Variants in NELFA observed in about 807,000 individuals in gnomAD.
The protein encoded by NELFA is negative elongation factor A.
NELFA carries 35 observed loss-of-function variants against 51.8 expected under a neutral mutation model. The ratio of observed to expected loss-of-function variants is 0.68; its 90% CI spans 0.52 to 0.90. The LOEUF is 0.90. Among genes scored for constraint, NELFA ranks in the 40% least tolerant of loss-of-function variants. The pLI is 0.00. For missense variants in NELFA, 658 were observed against 746.4 expected (o/e 0.88, Z 1.38); for synonymous variants, 417 against 338.4 (o/e 1.23, Z -2.55).
Position 1,983,867 on chromosome 4 carries a change from T to C in NELFA, c.1283A>G (p.Lys428Arg), listed in dbSNP as rs1031680874. The C allele has an allele frequency of 3.2e-6, 5 of 1,580,400 alleles. No individual in the cohort carries two copies. The African/African-American group carries it at 6.8e-5, about 21-fold the overall frequency. ...ACCTACCGTGAGGGACAGGTTCTTC[T>C]TAGGCTGCTGCTGAGCAGGGGCCTG... ...QTQAPAQQQPKKNLSLTREQM... is the reference protein window; with the variant it reads ...QTQAPAQQQPRKNLSLTREQM... Residue 428 changes from lysine to arginine, a missense_variant, in exon 9 of 11, where the codon AAG becomes AGG. Physicochemically the swap from Lys to Arg is conservative, Grantham distance 26 (BLOSUM62 2). Coordinates refer to ENST00000382882, the MANE Select transcript of NELFA (RefSeq NM_005663.5).
chr4:1,993,070 C>A (rs564955196), intron 1 of NELFA, among the ~76,000 whole-genome samples: 21 of 152,362 alleles, frequency 1.4e-4, no homozygotes, highest in Middle Eastern at 3.4e-3. Flanking sequence ...CCGCACAGCC[C>A]GGCTGTTTCC....
chr4:2,001,856 T>C (rs1304380134), intron 1 of NELFA, among the ~76,000 whole-genome samples: 1 of 150,000 alleles, frequency 6.7e-6, no homozygotes, highest in Non-Finnish European at 1.5e-5. Flanking sequence ...TGAGCCGAGA[T>C]CGTGCCACTG....
rs760343890 is a variant in NELFA, at chr4:1,983,908, C to G, written c.1242G>C (p.Met414Ile). The G allele has an allele frequency of 1.2e-6, 2 of 1,604,448 alleles. No individual in the cohort carries two copies. Among genetic ancestry groups the G allele is most frequent in the Non-Finnish European group, 1.7e-6 (2 of 1,175,240 alleles). The change falls in exon 9 of 11, where the codon ATG becomes ATC. Residue 414 changes from methionine (M) to isoleucine (I), a missense_variant. By Grantham distance (10) the Met-to-Ile change is conservative (BLOSUM62 1). This residue lies in a region of NELFA where 200 missense variants were observed against 167.9 expected (regional missense o/e 1.19). Transcript: ENST00000382882. Reference sequence around the variant, plus strand: ...CAGGGGCCTGGGTCTGCGGGGCCACCATGGCAACCGGGGGTGTCTGAGTGG... The same window carrying G: ...CAGGGGCCTGGGTCTGCGGGGCCACGATGGCAACCGGGGGTGTCTGAGTGG... ...APTTQTPPVA[M>I]VAPQTQAPAQ... is the part of the protein sequence containing the mutation.
chr4:1,988,827 T>C (rs1234147138), intron 3 of NELFA, among the ~76,000 whole-genome samples: 8 of 152,126 alleles, frequency 5.3e-5, no homozygotes, highest in Admixed American at 5.2e-4. Context: ...GTAAGGAACG[T>C]GCCCCTCCAG....
intron 1 of NELFA, among the ~76,000 whole-genome samples, chr4:2,000,782 C>T (rs927577243): frequency 6.6e-6 from 1 of 152,224 alleles, no homozygotes; most frequent in African/African-American, 2.4e-5. Flanking sequence ...AGGGACTCCT[C>T]CCTAACTCAT....
At chr4:2,005,950 C>T (rs536753435) in intron 1 of NELFA, among the ~76,000 whole-genome samples, 4 of 152,216 alleles carry the variant, frequency 2.6e-5, no homozygotes, top group African/African-American at 9.6e-5. Context: ...TCAGCTCAGC[C>T]TTAAAATCCC....
rs1402992560 is a variant in NELFA, at chr4:1,989,170, T to A, written c.544+538A>T. On this transcript the variant is annotated intron_variant, in intron 3 of 10. Coordinates refer to ENST00000382882, the MANE Select transcript of NELFA (RefSeq NM_005663.5). This position sits in a 1 kb window ranked among gnomAD's most constrained non-coding sequence, Gnocchi z 4.8. ...CATGTGGGCCAGGCTGGTCTCGATC[T>A]CCTGACCTCAGGTGATCTGCTGGCC... 6.6e-6 allele frequency among the ~76,000 whole-genome samples: 1 copy of A among 152,148 alleles called. No homozygotes were observed. Among genetic ancestry groups the A allele is most frequent in the Non-Finnish European group, 1.5e-5 (1 of 68,020 alleles).
chr4:2,008,759 C>A lies in NELFA; in HGVS notation c.201G>T (p.Thr67=), dbSNP rs760067500. ...LLGTLHLPRR[T]VDEMKGALME... ...GCCACGCCTGCCTTACCTCGTCCACCGTGCGGCGCGGGAGGTGCAGCGTCC... is the reference window on the plus strand; with the variant it reads ...GCCACGCCTGCCTTACCTCGTCCACAGTGCGGCGCGGGAGGTGCAGCGTCC... The change falls in exon 1 of 11, where the codon ACG becomes ACT. Residue 67 remains threonine (T), a synonymous_variant. Coordinates refer to ENST00000382882, the MANE Select transcript of NELFA (RefSeq NM_005663.5). The A allele has an allele frequency of 1.9e-6, 3 of 1,609,170 alleles. No individual in the cohort carries two copies. The highest frequency in any genetic ancestry group is 1.7e-6 in the Non-Finnish European group (2 of 1,178,116).
intron 1 of NELFA, chr4:1,992,150 T>G: frequency 4.7e-6 from 1 of 211,388 alleles, no homozygotes; most frequent in South Asian, 6.0e-5. Context: ...CAGGGTGGAG[T>G]CACCTGCCGC....
At chr4:2,000,620 C>T (rs1237548219) in intron 1 of NELFA, among the ~76,000 whole-genome samples, 1 of 152,134 alleles carries the variant, frequency 6.6e-6, no homozygotes. Context: ...GAATCCCTGA[C>T]TAGACCAATA....
Position 1,989,959 on chromosome 4 carries a change from C to A in NELFA, c.383-90G>T. 2.7e-6 allele frequency: 4 copies of A among 1,486,296 alleles called. No individual in the cohort carries two copies. In the South Asian group the frequency reaches 5.2e-5, roughly 19 times the overall value. 92.1% of individuals were successfully genotyped at this position (1,486,296 alleles called of 1,614,324 possible). ...TGGCGGCTGCCCAGCCCCACACCCT[C>A]CTCAGTTAGGGTTAGGTCATGGGAG... On this transcript the variant is annotated intron_variant, in intron 2 of 10. Transcript: ENST00000382882. This position sits in a 1 kb window ranked among gnomAD's most constrained non-coding sequence, Gnocchi z 4.8.
At position 1,991,644 on chromosome 4, in the gene NELFA, G is replaced by A. The variant is rs377666157; in HGVS notation, c.282C>T (p.Ala94=). ...LDSDPWVLMV[A]DILKSFPDTG... ...TGTCCGGAAAGGACTTCAAGATGTC[G>A]GCGACCATGAGCACCCAGGGGTCCG... is the stretch of plus-strand genomic sequence containing the variant. Residue 94 remains alanine, a synonymous_variant, in exon 2 of 11, where the codon GCC becomes GCT. Coordinates refer to ENST00000382882, the MANE Select transcript of NELFA (RefSeq NM_005663.5). The A allele has an allele frequency of 8.9e-5, 143 of 1,613,956 alleles. 1 individual carries two copies. The East Asian group carries it at 2.5e-3, about 28-fold the overall frequency.
intron 1 of NELFA, among the ~76,000 whole-genome samples, chr4:2,001,240 A>G (rs993098523): frequency 1.3e-5 from 2 of 152,206 alleles, no homozygotes; most frequent in African/African-American, 4.8e-5. Flanking sequence ...GTACAAGATA[A>G]TAAGGATGTC....
intron 1 of NELFA, among the ~76,000 whole-genome samples, chr4:1,998,343 A>T (rs1728486695): frequency 6.6e-6 from 1 of 152,098 alleles, no homozygotes; most frequent in African/African-American, 2.4e-5. Flanking sequence ...AATAAAAAAA[A>T]AAACAATGAT....
chr4:1,987,526 G>C (rs1728141499), intron 4 of NELFA: 1 of 190,484 alleles, frequency 5.2e-6, no homozygotes, highest in African/African-American at 2.3e-5. Context: ...GAACCCAAGA[G>C]CAGCACTTGG....
intron 8 of NELFA, 43 bp downstream of exon 8, chr4:1,984,765 G>A (rs1239576856): frequency 1.4e-6 from 2 of 1,442,602 alleles, no homozygotes; most frequent in Non-Finnish European, 1.9e-6. Flanking sequence ...TCATGTCCTG[G>A]CAGGCAGCTT....
intron 1 of NELFA, among the ~76,000 whole-genome samples, chr4:2,003,070 G>C (rs11935190): frequency 6.6e-6 from 1 of 152,144 alleles, no homozygotes; most frequent in South Asian, 2.1e-4. Flanking sequence ...GTGGGCAAAG[G>C]AGGTGAACAG....
At chr4:1,996,293 T>C (rs1367498715) in intron 1 of NELFA, among the ~76,000 whole-genome samples, 1 of 152,206 alleles carries the variant, frequency 6.6e-6, no homozygotes, top group Non-Finnish European at 1.5e-5. Context: ...CAGGGATCAG[T>C]GAAGAACTTA....
chr4:1,991,212 G>A (rs1368479184), intron 2 of NELFA, among the ~76,000 whole-genome samples: 1 of 152,176 alleles, frequency 6.6e-6, no homozygotes, highest in African/African-American at 2.4e-5. Context: ...CTGGGCCCTA[G>A]AACCTAGGAT....
Sources: allele counts gnomAD v4.1 joint callset (sites outside exome capture counted in the v4.1 genomes callset), GRCh38; gene constraint gnomAD v4.1.1; regional missense constraint gnomAD v4.1.1; non-coding constraint Gnocchi (gnomAD v3.1); transcripts MANE v1.5; gene names NCBI Gene and HGNC (gene_info 2026-07-23, HGNC 2026-07-21).